PXDNL: variants seen among roughly 807,000 people sequenced by gnomAD.
PXDNL encodes probable oxidoreductase PXDNL.
Under a neutral mutation model 150.8 loss-of-function variants are expected in PXDNL, and 145 were observed. The observed-to-expected ratio is 0.96, with a 90% CI of 0.84 to 1.10. The LOEUF is 1.10. PXDNL is among the 50% of genes least tolerant of loss of function. The pLI is 0.00. For missense variants in PXDNL, 2,087 were observed against 1,873.9 expected, an observed-to-expected ratio of 1.11 and a Z score of -2.10; for synonymous variants, 757 against 725.7, an observed-to-expected ratio of 1.04 and a Z score of -0.69.
chr8:51,482,599 A>ACATG (rs1810628295), intron 6 of PXDNL, among the ~76,000 whole-genome samples: 1 of 152,128 alleles, frequency 6.6e-6, no homozygotes, highest in Non-Finnish European at 1.5e-5. Context: ...TTGAATTGTA[A>ACATG]TAATCCCCAT....
intron 1 of PXDNL, among the ~76,000 whole-genome samples, chr8:51,678,006 C>T (rs189889418): frequency 2.0e-5 from 3 of 152,154 alleles, no homozygotes; most frequent in Non-Finnish European, 4.4e-5. Context: ...CTTAAAATCA[C>T]ATAACTAAGA....
chr8:51,786,822 G>A (rs1213131827), intron 1 of PXDNL, among the ~76,000 whole-genome samples: 1 of 152,194 alleles, frequency 6.6e-6, no homozygotes, highest in Non-Finnish European at 1.5e-5. Context: ...GGAAAACAAT[G>A]CCATCTAAGA....
chr8:51,680,164 T>C (rs1165651561), intron 1 of PXDNL, among the ~76,000 whole-genome samples: 1 of 152,236 alleles, frequency 6.6e-6, no homozygotes, highest in East Asian at 1.9e-4. Context: ...AGCACTGTGA[T>C]CTCATCTTAT....
intron 4 of PXDNL, among the ~76,000 whole-genome samples, chr8:51,552,186 T>C (rs1450260278): frequency 6.6e-6 from 1 of 152,170 alleles, no homozygotes; most frequent in African/African-American, 2.4e-5. Context: ...AAATATCAGA[T>C]GTTGGTGTGG....
chr8:51,383,323 C>T (rs190403951), intron 17 of PXDNL, among the ~76,000 whole-genome samples: 1 of 152,298 alleles, frequency 6.6e-6, no homozygotes, highest in Admixed American at 6.5e-5. Context: ...CTTTCGCCCC[C>T]AAACCATTTG....
At chr8:51,803,463 A>G (rs2037642480) in intron 1 of PXDNL, among the ~76,000 whole-genome samples, 1 of 152,082 alleles carries the variant, frequency 6.6e-6, no homozygotes, top group Non-Finnish European at 1.5e-5. Flanking sequence ...CCTCTCTTCC[A>G]ACTTCTTAGA....
At chr8:51,628,773 G>GACAC (rs778704292) in intron 2 of PXDNL, among the ~76,000 whole-genome samples, 14 of 151,718 alleles carry the variant, frequency 9.2e-5, no homozygotes, top group Non-Finnish European at 1.9e-4. Flanking sequence ...ATTCTAGCTG[G>GACAC]ACACAAGTAA....
chr8:51,496,881 T>C (rs919689096), intron 5 of PXDNL, among the ~76,000 whole-genome samples: 1 of 152,202 alleles, frequency 6.6e-6, no homozygotes, highest in Non-Finnish European at 1.5e-5. Flanking sequence ...ATAGATTCAA[T>C]GCCATCCCCA....
At chr8:51,619,286 G>C (rs73572356) in intron 2 of PXDNL, among the ~76,000 whole-genome samples, 6,286 of 152,208 alleles carry the variant, frequency 0.041, 437 homozygotes, top group African/African-American at 0.14. Context: ...TCTGTGTAAG[G>C]GCTGGCCATA....
intron 5 of PXDNL, among the ~76,000 whole-genome samples, chr8:51,490,922 T>A (rs1456837449): frequency 1.3e-5 from 2 of 152,094 alleles, no homozygotes; most frequent in Non-Finnish European, 2.9e-5. Flanking sequence ...AAAATATTGA[T>A]CCTTGGTGTG....
chr8:51,377,589 G>A (rs1199277496), intron 17 of PXDNL, among the ~76,000 whole-genome samples: 1 of 152,362 alleles, frequency 6.6e-6, no homozygotes, highest in East Asian at 1.9e-4. Context: ...GTGGGCGTGG[G>A]CTCAGCTGGC....
At chr8:51,395,427 G>A (rs541726674) in intron 17 of PXDNL, among the ~76,000 whole-genome samples, 1 of 152,270 alleles carries the variant, frequency 6.6e-6, no homozygotes, top group East Asian at 1.9e-4. Context: ...AAATGTCTGT[G>A]AAATGTAGAT....
chr8:51,595,585 A>C (rs767676416), intron 2 of PXDNL, among the ~76,000 whole-genome samples: 50 of 152,134 alleles, frequency 3.3e-4, no homozygotes, highest in Non-Finnish European at 4.6e-4. Flanking sequence ...ATACTCCAGA[A>C]ATATGGTTCT....
At chr8:51,607,254 A>C (rs1224306497) in intron 2 of PXDNL, among the ~76,000 whole-genome samples, 2 of 152,168 alleles carry the variant, frequency 1.3e-5, no homozygotes, top group Admixed American at 1.3e-4. Context: ...ATGATTGTCC[A>C]TATGCAGCTC....
chr8:51,546,815 AGCAGGAGTGAGACTG>A (rs1306085275), intron 4 of PXDNL, among the ~76,000 whole-genome samples: 1 of 152,196 alleles, frequency 6.6e-6, no homozygotes, highest in Non-Finnish European at 1.5e-5. Context: ...GGCGGGGCAC[AGCAGGAGTGAGACTG>A]GCCTTGCTGA....
In PXDNL at chr8:51,658,948, C is replaced by T. The variant is rs189882990; in HGVS notation, c.165-4188G>A. Among the ~76,000 whole-genome samples the T allele has an allele frequency of 3.3e-5, 5 of 151,728 alleles. No individual in the cohort carries two copies. In the East Asian group the frequency reaches 9.8e-4, roughly 30 times the overall value. ...AAATTTTTGCAACATTATTTACTAA[C>T]AATATTGCAATAAATATGCATGCAT... On this transcript the variant is annotated intron_variant, in intron 1 of 22. Transcript: ENST00000356297.
intron 4 of PXDNL, among the ~76,000 whole-genome samples, chr8:51,543,282 A>G (rs1812261897): frequency 6.6e-6 from 1 of 152,192 alleles, no homozygotes; most frequent in African/African-American, 2.4e-5. Context: ...AATTTAGTAG[A>G]TGATGAGATA....
At chr8:51,573,579 A>C (rs1295438481) in intron 3 of PXDNL, among the ~76,000 whole-genome samples, 2 of 152,062 alleles carry the variant, frequency 1.3e-5, no homozygotes, top group Non-Finnish European at 2.9e-5. Flanking sequence ...TCCCAACTCC[A>C]ACTAGAAGTA....
At chr8:51,448,874 A>G (rs1011803137) in intron 11 of PXDNL, 128 bp downstream of exon 11, 2 of 699,938 alleles carry the variant, frequency 2.9e-6, no homozygotes, top group Non-Finnish European at 5.2e-6. Context: ...TAGATCAAAG[A>G]TTATTTTCTG....
Sources: allele counts gnomAD v4.1 joint callset (sites outside exome capture counted in the v4.1 genomes callset), GRCh38; gene constraint gnomAD v4.1.1; transcripts MANE v1.5; gene names NCBI Gene and HGNC (gene_info 2026-07-23, HGNC 2026-07-21).